DAP3: variants seen among roughly 807,000 people sequenced by gnomAD.
DAP3 encodes small ribosomal subunit protein mS29.
A neutral mutation model predicts 51.9 loss-of-function variants in DAP3; 28 were observed. The ratio of observed to expected loss-of-function variants is 0.54; its 90% confidence interval spans 0.40 to 0.74. The LOEUF (loss-of-function observed/expected upper bound fraction) is 0.74, where lower values mean the gene tolerates loss of function less well. Ranked by LOEUF, DAP3 falls within the 30% of genes least tolerant of loss-of-function variation. DAP3 has a pLI of 0.00. For missense variants in DAP3, 458 were observed against 483.5 expected (o/e 0.95, Z 0.49); for synonymous variants, 170 against 170.3 (o/e 1.00, Z 0.01).
intron 2 of DAP3, among the ~76,000 whole-genome samples, chr1:155,713,298 G>A (rs1374770943): frequency 2.0e-5 from 3 of 152,204 alleles, no homozygotes; most frequent in African/African-American, 4.8e-5. Flanking sequence ...TGTAGAGAAC[G>A]ATTTGGATAT....
chr1:155,711,445 A>G (rs1267971412), intron 2 of DAP3, among the ~76,000 whole-genome samples: 2 of 152,150 alleles, frequency 1.3e-5, no homozygotes, highest in Non-Finnish European at 2.9e-5. Flanking sequence ...GTGAGCCAAG[A>G]TCACGCCACT....
intron 9 of DAP3, among the ~76,000 whole-genome samples, 178 bp downstream of exon 9, chr1:155,729,544 C>G (rs1047262445): frequency 6.6e-6 from 1 of 152,098 alleles, no homozygotes; most frequent in African/African-American, 2.4e-5. Flanking sequence ...GCTCACGAGG[C>G]TGAGGTGGGA....
chr1:155,714,572 A>G (rs948905449), intron 2 of DAP3, among the ~76,000 whole-genome samples: 25 of 150,782 alleles, frequency 1.7e-4, no homozygotes, highest in African/African-American at 6.1e-4. Context: ...CCAGACCAGC[A>G]TGACCAACAT....
chr1:155,703,472 C>T (rs781127232), intron 1 of DAP3, among the ~76,000 whole-genome samples: 7 of 152,220 alleles, frequency 4.6e-5, no homozygotes, highest in Non-Finnish European at 8.8e-5. Context: ...TCCTACAACA[C>T]ATGGGAATTA....
At chr1:155,703,010 A>T (rs1282010088) in intron 1 of DAP3, among the ~76,000 whole-genome samples, 3 of 152,158 alleles carry the variant, frequency 2.0e-5, no homozygotes, top group East Asian at 3.8e-4. Flanking sequence ...GTTGACCGTG[A>T]TGTAAATGTA....
At chr1:155,688,904 G>T, upstream of DAP3, 1 of 1,612,768 alleles carries the variant, frequency 6.2e-7, no homozygotes, top group Non-Finnish European at 8.5e-7. Flanking sequence ...TGCCAGGGTG[G>T]CCGGCCGAGT....
intron 3 of DAP3, among the ~76,000 whole-genome samples, chr1:155,717,759 A>G (rs1290290279): frequency 6.6e-6 from 1 of 152,146 alleles, no homozygotes; most frequent in Non-Finnish European, 1.5e-5. Context: ...TTGTAAGTGG[A>G]TTTCCTAGGG....
At chr1:155,703,590 T>C (rs1000967205) in intron 1 of DAP3, among the ~76,000 whole-genome samples, 1 of 152,150 alleles carries the variant, frequency 6.6e-6, no homozygotes, top group Non-Finnish European at 1.5e-5. Context: ...CAGACTGGAG[T>C]GCAGTGGCAT....
chr1:155,698,578 C>G (rs1418940337), intron 1 of DAP3, among the ~76,000 whole-genome samples: 1 of 152,200 alleles, frequency 6.6e-6, no homozygotes, highest in Non-Finnish European at 1.5e-5. Flanking sequence ...GCTGTACACA[C>G]CAATGACCAA....
intron 11 of DAP3, among the ~76,000 whole-genome samples, chr1:155,732,474 G>A (rs909085881): frequency 8.6e-5 from 13 of 151,904 alleles, no homozygotes; most frequent in African/African-American, 2.9e-4. Flanking sequence ...CAAGTGATCC[G>A]CCTACCTCAG....
intron 2 of DAP3, among the ~76,000 whole-genome samples, chr1:155,712,632 A>AG (rs1162034604): frequency 6.6e-6 from 1 of 151,692 alleles, no homozygotes; most frequent in Non-Finnish European, 1.5e-5. Flanking sequence ...AAAAAAAAAA[A>AG]AAAGATTCCA....
At chr1:155,709,745 C>A in intron 1 of DAP3, 28 bp from the exon 2 acceptor site, 1 of 1,582,242 alleles carries the variant, frequency 6.3e-7, no homozygotes, top group Non-Finnish European at 8.6e-7. Flanking sequence ...TGTGGTTTAC[C>A]TTTTCACTTT....
intron 9 of DAP3, among the ~76,000 whole-genome samples, chr1:155,730,935 T>C (rs1659170743): frequency 6.6e-6 from 1 of 151,892 alleles, no homozygotes; most frequent in Non-Finnish European, 1.5e-5. Context: ...CTAGAGGGAG[T>C]ACCTTCAGGT....
upstream of DAP3, chr1:155,688,677 A>C: frequency 1.3e-6 from 2 of 1,531,766 alleles, no homozygotes; most frequent in Non-Finnish European, 1.7e-6. Flanking sequence ...GCGCGAGCCC[A>C]AGCCTTCTCC....
In DAP3 at chr1:155,720,417, T is replaced by TGAGGAAGTGAGCTCA. The variant is rs1657852297; in HGVS notation, c.169-1099_169-1098insAGGAAGTGAGCTCAG. On this transcript the variant is annotated intron_variant, in intron 3 of 12. Transcript: ENST00000368336. Reference sequence around the variant, plus strand: ...CAGCACTTTGGGAAGCTGAGGCAGGTGGATCACTTGAGGTCGGGAGTTCAA... The same window carrying TGAGGAAGTGAGCTCA: ...CAGCACTTTGGGAAGCTGAGGCAGGTGAGGAAGTGAGCTCAGGATCACTTGAGGTCGGGAGTTCAA... 3.2e-5 allele frequency among the ~76,000 whole-genome samples: 4 copies of TGAGGAAGTGAGCTCA among 126,808 alleles called. 1 individual carries two copies. The South Asian group carries it at 1.1e-3, about 35-fold the overall frequency. The allele number at this position is 126,808 out of a possible 152,430, so 83.2% of individuals were successfully genotyped here.
intron 2 of DAP3, among the ~76,000 whole-genome samples, chr1:155,711,647 G>A (rs1656734801): frequency 6.6e-6 from 1 of 151,626 alleles, no homozygotes; most frequent in Non-Finnish European, 1.5e-5. Context: ...TACAGGGACA[G>A]CACTAATAGG....
chr1:155,719,143 G>A (rs2149169474), intron 3 of DAP3, among the ~76,000 whole-genome samples: 1 of 152,198 alleles, frequency 6.6e-6, no homozygotes, highest in East Asian at 1.9e-4. Flanking sequence ...TGTAATCCCA[G>A]GACTTTGGGA....
intron 1 of DAP3, among the ~76,000 whole-genome samples, chr1:155,690,775 T>C (rs1373268153): frequency 7.0e-6 from 1 of 142,176 alleles, no homozygotes; most frequent in Non-Finnish European, 1.5e-5. Context: ...ATAGGATCTA[T>C]GTCGCCAAGG....
intron 1 of DAP3, among the ~76,000 whole-genome samples, chr1:155,707,021 G>A (rs1263613131): frequency 5.3e-5 from 8 of 152,044 alleles, no homozygotes; most frequent in Admixed American, 3.9e-4. Context: ...AACCCGGGAG[G>A]TGGAGGTTGC....
Sources: allele counts gnomAD v4.1 joint callset (sites outside exome capture counted in the v4.1 genomes callset), GRCh38; gene constraint gnomAD v4.1.1; transcripts MANE v1.5; gene names NCBI Gene and HGNC (gene_info 2026-07-23, HGNC 2026-07-21).